PCBP3: variants seen among roughly 807,000 people sequenced by gnomAD.
PCBP3 encodes the protein poly(rC)-binding protein 3.
Under a neutral mutation model 52.7 loss-of-function variants are expected in PCBP3, and 25 were observed. The ratio of observed to expected loss-of-function variants is 0.47; its 90% confidence interval spans 0.35 to 0.66. PCBP3 has a LOEUF of 0.66. PCBP3 is among the 30% of genes least tolerant of loss of function. The probability of loss-of-function intolerance (pLI) is 0.01; values close to 1 mark genes in which losing one functional copy is unlikely to be tolerated. For synonymous variants in PCBP3, 162 were observed against 183.0 expected (o/e 0.89, Z 0.93); for missense variants, 391 against 490.3 (o/e 0.80, Z 1.91).
At chr21:45,716,599 A>G (rs1389415045) in intron 2 of PCBP3, among the ~76,000 whole-genome samples, 2 of 152,138 alleles carry the variant, frequency 1.3e-5, no homozygotes, top group Admixed American at 6.5e-5. Flanking sequence ...CTTTTGGATT[A>G]GGGCCCCACC....
intron 2 of PCBP3, among the ~76,000 whole-genome samples, chr21:45,729,804 A>G (rs1485465639): frequency 6.6e-6 from 1 of 151,898 alleles, no homozygotes. Context: ...TTCTATTTAT[A>G]TATTTTTAGA....
chr21:45,899,716 G>C (rs1603480145), intron 7 of PCBP3, 94 bp downstream of exon 7: 7 of 909,388 alleles, frequency 7.7e-6, no homozygotes, highest in Non-Finnish European at 1.1e-5. Context: ...CACCCAGTAG[G>C]TGCGCCTTTC....
chr21:45,917,606 C>G lies in PCBP3; in HGVS notation c.694C>G (p.Gln232Glu). 1.2e-6 allele frequency: 2 copies of G among 1,613,454 alleles called. No individual in the cohort carries two copies. Among genetic ancestry groups the G allele is most frequent in the Non-Finnish European group, 1.7e-6 (2 of 1,179,538 alleles). The change falls in exon 13 of 18, where the codon CAG becomes GAG. Residue 232 changes from glutamine to glutamate, a missense_variant. Gln to Glu is a conservative substitution (Grantham distance 29). Transcript: ENST00000681687. This position sits in a 1 kb window ranked among gnomAD's most constrained non-coding sequence, Gnocchi z 5.3. ...AGGQAYTIQG[Q>E]YAIPHPDQLT... ...TCTCTAGGCCTACACAATCCAGGGA[C>G]AGTATGCCATCCCTCACCCGGATGT...
chr21:45,674,598 A>G (rs1437376001), intron 2 of PCBP3, among the ~76,000 whole-genome samples: 1 of 152,236 alleles, frequency 6.6e-6, no homozygotes, highest in African/African-American at 2.4e-5. Context: ...ATAATGAAGT[A>G]GGTTATGTTG....
intron 16 of PCBP3, among the ~76,000 whole-genome samples, chr21:45,939,410 C>T (rs2077215043): frequency 6.6e-6 from 1 of 152,248 alleles, no homozygotes; most frequent in South Asian, 2.1e-4. Context: ...TTGATGACTG[C>T]CTTGGCCAGA....
intron 6 of PCBP3, 108 bp from the exon 7 acceptor site, chr21:45,899,491 T>C (rs1016031493): frequency 2.2e-5 from 17 of 786,708 alleles, no homozygotes; most frequent in Admixed American, 5.8e-5. Context: ...GAAGGTCCCT[T>C]CTGCACTCAT....
chr21:45,867,183 C>T (rs2094770684), intron 5 of PCBP3, among the ~76,000 whole-genome samples: 3 of 152,154 alleles, frequency 2.0e-5, no homozygotes, highest in South Asian at 4.1e-4. Context: ...GCAGAGCAGG[C>T]GTGGAAGGGA....
At chr21:45,939,320 G>A (rs2077205254) in intron 16 of PCBP3, among the ~76,000 whole-genome samples, 1 of 152,180 alleles carries the variant, frequency 6.6e-6, no homozygotes, top group Non-Finnish European at 1.5e-5. Context: ...CTGGGGGCCC[G>A]AGTTGTCCCC....
intron 4 of PCBP3, among the ~76,000 whole-genome samples, chr21:45,804,103 C>T (rs2092408575): frequency 6.6e-6 from 1 of 152,186 alleles, no homozygotes; most frequent in Non-Finnish European, 1.5e-5. Context: ...CACAGGTGCC[C>T]ACTGCCTGCT....
At chr21:45,822,499 C>T (rs2093168988) in intron 4 of PCBP3, among the ~76,000 whole-genome samples, 1 of 152,102 alleles carries the variant, frequency 6.6e-6, no homozygotes, top group South Asian at 2.1e-4. Context: ...AGACCCAAGA[C>T]AGGGCCAGGA....
At chr21:45,676,940 T>G (rs976766662) in intron 2 of PCBP3, among the ~76,000 whole-genome samples, 7 of 152,048 alleles carry the variant, frequency 4.6e-5, no homozygotes, top group South Asian at 4.2e-4. Context: ...CCTAGCTAAT[T>G]TTTTGTATTT....
At chr21:45,815,603 G>A (rs1367533155) in intron 4 of PCBP3, among the ~76,000 whole-genome samples, 6 of 84,134 alleles carry the variant, frequency 7.1e-5, no homozygotes, top group Non-Finnish European at 2.3e-5. Context: ...TGAGTGATGA[G>A]TGAGTGGTGA....
intron 9 of PCBP3, among the ~76,000 whole-genome samples, chr21:45,909,041 C>A (rs1489455044): frequency 1.3e-5 from 2 of 152,124 alleles, no homozygotes; most frequent in African/African-American, 4.8e-5. Context: ...CCAGCACCCA[C>A]ACTTCCTGTA....
At chr21:45,841,541 C>T (rs4818802) in intron 4 of PCBP3, among the ~76,000 whole-genome samples, 21,188 of 152,118 alleles carry the variant, frequency 0.14, 1,634 homozygotes, top group Middle Eastern at 0.28. Context: ...GTTATTTTCT[C>T]AATTTTTAGT....
At chr21:45,801,366 T>C (rs1298162637) in intron 4 of PCBP3, among the ~76,000 whole-genome samples, 2 of 152,202 alleles carry the variant, frequency 1.3e-5, no homozygotes, top group Admixed American at 6.5e-5. Context: ...GTGTCTGGGC[T>C]GGCCCCTCCC....
At chr21:45,757,563 T>C (rs2146484564) in intron 4 of PCBP3, among the ~76,000 whole-genome samples, 1 of 152,352 alleles carries the variant, frequency 6.6e-6, no homozygotes, top group African/African-American at 2.4e-5. Flanking sequence ...TCTTTGGTTG[T>C]GTGCAGTTAA....
intron 4 of PCBP3, among the ~76,000 whole-genome samples, chr21:45,797,908 T>G (rs903176573): frequency 5.2e-4 from 75 of 145,490 alleles, no homozygotes; most frequent in Middle Eastern, 8.6e-3. Flanking sequence ...AGTGCATGGA[T>G]CCATAGAGAG....
At chr21:45,719,722 T>A (rs1221449476) in intron 2 of PCBP3, among the ~76,000 whole-genome samples, 1 of 152,182 alleles carries the variant, frequency 6.6e-6, no homozygotes, top group African/African-American at 2.4e-5. Flanking sequence ...ATTGTGGAAC[T>A]GTGAGTCAAT....
intron 2 of PCBP3, among the ~76,000 whole-genome samples, chr21:45,700,551 CCTT>C (rs2083056246): frequency 6.6e-6 from 1 of 152,170 alleles, no homozygotes; most frequent in African/African-American, 2.4e-5. Context: ...AGGGACAGTT[CCTT>C]CTGCAAGGTG....
Sources: gnomAD v4.1 joint callset for allele counts (sites outside exome capture counted in the v4.1 genomes callset) on GRCh38, gnomAD v4.1.1 for gene constraint, Gnocchi (gnomAD v3.1) non-coding constraint, MANE v1.5 for transcripts, NCBI Gene and HGNC (gene_info 2026-07-23, HGNC 2026-07-21) for gene names.